Variants in YARS1 observed in about 807,000 individuals in gnomAD.
The protein encoded by YARS1 is tyrosyl-tRNA synthetase 1.
YARS1 carries 36 observed loss-of-function variants against 62.2 expected under a neutral mutation model. The observed-to-expected ratio is 0.58, with a 90% CI of 0.44 to 0.76. YARS1 has a LOEUF of 0.76. YARS1 is among the 30% of genes least tolerant of loss of function. YARS1 has a pLI of 0.00. For missense variants in YARS1, 524 were observed against 639.8 expected, an observed-to-expected ratio of 0.82 and a Z score of 1.95; for synonymous variants, 234 against 244.9, an observed-to-expected ratio of 0.96 and a Z score of 0.42.
rs1473884261 is a variant in YARS1, at chr1:32,811,035, A to G, written c.80T>C (p.Leu27Pro). The change falls in exon 2 of 13, where the codon CTG (leucine) becomes CCG (proline). Residue 27 changes from leucine (L) to proline (P), a missense_variant. Transcript: ENST00000373477. Reference sequence around the variant, plus strand: ...TTCCCGCTCCTTCAGTATCTCCTTCAGCTTCTCTTCCCCCAGAACCTCCTA... The same window carrying G: ...TTCCCGCTCCTTCAGTATCTCCTTCGGCTTCTCTTCCCCCAGAACCTCCTA... ...NLQEVLGEEK[L>P]KEILKERELK... 1.9e-6 allele frequency: 3 copies of G among 1,614,114 alleles called. No individual in the cohort carries two copies. Among genetic ancestry groups the G allele is most frequent in the Middle Eastern group, 1.7e-4 (1 of 6,060 alleles).
chr1:32,778,138 TAGAA>T (rs1292629127), intron 12 of YARS1, among the ~76,000 whole-genome samples: 6 of 152,186 alleles, frequency 3.9e-5, no homozygotes, highest in African/African-American at 9.6e-5. Context: ...CGGTATTAAC[TAGAA>T]AGAGTCACCC....
rs1480630435 is a variant in YARS1 at position 32,791,187 on chromosome 1, C to G, written c.659G>C (p.Gly220Ala). ...CTCTTCTGAAGAGCTCATTTTGCTG[C>G]CTGTTAATCCTGGAACCATAGGATT... The part of the protein sequence containing the change: ...LMNPMVPGLT[G>A]SKMSSSEEES... The change falls in exon 6 of 13, where the codon GGC (glycine) becomes GCC (alanine). Residue 220 changes from glycine (G) to alanine (A), a missense_variant. Coordinates refer to ENST00000373477, the MANE Select transcript of YARS1 (RefSeq NM_003680.4). 6.2e-7 allele frequency: 1 copy of G among 1,614,082 alleles called. No individual in the cohort carries two copies. The highest frequency in any genetic ancestry group is 1.1e-5 in the South Asian group (1 of 91,088).
intron 12 of YARS1, among the ~76,000 whole-genome samples, chr1:32,778,469 C>T (rs1652939862): frequency 6.6e-6 from 1 of 150,728 alleles, no homozygotes; most frequent in Admixed American, 6.6e-5. Context: ...AGTGCAGTGG[C>T]GTGATCTCGG....
intron 6 of YARS1, among the ~76,000 whole-genome samples, chr1:32,788,533 C>T (rs928787208): frequency 5.3e-5 from 8 of 152,104 alleles, no homozygotes; most frequent in Non-Finnish European, 1.0e-4. Flanking sequence ...TGGGTTCAAG[C>T]GGTTCCTCCT....
chr1:32,816,796 G>T (rs1366886003), intron 1 of YARS1: 2 of 285,324 alleles, frequency 7.0e-6, no homozygotes, highest in Non-Finnish European at 1.4e-5. Flanking sequence ...TCCCAGTATA[G>T]CATCTTCCAG....
chr1:32,776,305 G>A lies in YARS1; in HGVS notation c.1477-214C>T, dbSNP rs955048532. 3.2e-4 allele frequency among the ~76,000 whole-genome samples: 49 copies of A among 151,964 alleles called. No homozygotes were observed. The highest frequency in any genetic ancestry group is 1.2e-3 in the African/African-American group (48 of 41,370). ...TGGGACTACAGGCATGCACCACCACGCCCGACTAATTTTGTACTTTTAGTA... is the reference window on the plus strand; with the variant it reads ...TGGGACTACAGGCATGCACCACCACACCCGACTAATTTTGTACTTTTAGTA... On this transcript the variant is annotated intron_variant, in intron 12 of 12. Transcript: ENST00000373477. The surrounding 1 kb of genome is among the most constrained non-coding windows in gnomAD (Gnocchi z 4.0).
At chr1:32,804,042 A>G (rs1638377073) in intron 4 of YARS1, among the ~76,000 whole-genome samples, 1 of 152,156 alleles carries the variant, frequency 6.6e-6, no homozygotes, top group Non-Finnish European at 1.5e-5. Flanking sequence ...TGTTTCAGAG[A>G]GCACGGGGTT....
Position 32,776,137 on chromosome 1 carries a change from G to T in YARS1, c.1477-46C>A. 6.6e-7 allele frequency: 1 copy of T among 1,508,674 alleles called. No individual in the cohort carries two copies. The highest frequency in any genetic ancestry group is 9.2e-7 in the Non-Finnish European group (1 of 1,091,730). The allele number at this position is 1,508,674 out of a possible 1,614,324, so 93.5% of individuals were successfully genotyped here. A position where few individuals can be genotyped will look rare whatever the true frequency, so the allele number is the denominator to read the frequency against. ...AGATTTTAATGATGGTGGTGGGACT[G>T]CAAGAAAACCCCCCCTTTTTTGGAG... On this transcript the variant is annotated intron_variant, in intron 12 of 12. Transcript: ENST00000373477. The surrounding 1 kb of genome is among the most constrained non-coding windows in gnomAD (Gnocchi z 4.0).
chr1:32,792,809 G>A (rs1400092527), intron 5 of YARS1, among the ~76,000 whole-genome samples: 2 of 151,974 alleles, frequency 1.3e-5, no homozygotes, highest in Non-Finnish European at 2.9e-5. Context: ...GAACCCAGGA[G>A]GCGGAGCTTG....
intron 8 of YARS1, 29 bp from the exon 9 acceptor site, chr1:32,782,568 TA>T (rs771795261): frequency 1.2e-6 from 2 of 1,614,046 alleles, no homozygotes; most frequent in South Asian, 2.2e-5. Flanking sequence ...CCTAGTGAGA[TA>T]AAGTCTAGAA....
In YARS1 at chr1:32,781,069, C is replaced by T; in HGVS notation, c.1119G>A (p.Gly373=). 1 of 1,614,202 alleles carries T rather than the reference C, an allele frequency of 6.2e-7. No homozygotes were observed. Among genetic ancestry groups the T allele is most frequent in the Non-Finnish European group, 8.5e-7 (1 of 1,180,018 alleles). ...VIPSRLDIRV[G]KIITVEKHPD... Reference sequence around the variant, plus strand: ...GTACCTTCTCCACAGTGATGATTTTCCCCACACGGATATCCAGCCGGGATG... The same window carrying T: ...GTACCTTCTCCACAGTGATGATTTTTCCCACACGGATATCCAGCCGGGATG... The change falls in exon 10 of 13, where the codon GGG becomes GGA. Residue 373 remains glycine (G), a synonymous_variant. Coordinates refer to ENST00000373477, the MANE Select transcript of YARS1 (RefSeq NM_003680.4).
intron 10 of YARS1, chr1:32,780,713 G>C (rs1037307642): frequency 6.1e-5 from 26 of 429,674 alleles, no homozygotes; most frequent in African/African-American, 4.6e-4. Context: ...CTTTCTGAAG[G>C]GGGCAAAGTG....
chr1:32,776,927 A>G lies in YARS1; in HGVS notation c.1477-836T>C, dbSNP rs571465158. The stretch of plus-strand genomic sequence containing the variant: ...GGTTGTGGCGGGCCGAGATCACGCC[A>G]CCACACTCCAGCCTGGGTGACAGAG... On this transcript the variant is annotated intron_variant, in intron 12 of 12. Transcript: ENST00000373477. This position sits in a 1 kb window ranked among gnomAD's most constrained non-coding sequence, Gnocchi z 4.0. Among the ~76,000 whole-genome samples, 2 of 151,896 alleles carry G rather than the reference A, an allele frequency of 1.3e-5. No individual in the cohort carries two copies. Among genetic ancestry groups the G allele is most frequent in the African/African-American group, 4.8e-5 (2 of 41,422 alleles).
chr1:32,806,388 C>T, intron 4 of YARS1, 94 bp downstream of exon 4: 1 of 1,597,444 alleles, frequency 6.3e-7, no homozygotes, highest in Non-Finnish European at 8.6e-7. Flanking sequence ...AACACAATAT[C>T]TGCGTAGTGC....
At chr1:32,786,579 T>C (rs1653237170) in intron 7 of YARS1, 132 bp from the exon 8 acceptor site, 3 of 925,714 alleles carry the variant, frequency 3.2e-6, no homozygotes, top group African/African-American at 3.3e-5. Context: ...TGTATGGTAT[T>C]ATTCTTAAAT....
chr1:32,802,760 G>A (rs544564778), intron 4 of YARS1, among the ~76,000 whole-genome samples: 2 of 152,238 alleles, frequency 1.3e-5, no homozygotes, highest in South Asian at 2.1e-4. Context: ...GTTAACAGAC[G>A]TGCTACTATC....
At chr1:32,787,192 C>G in intron 6 of YARS1, 117 bp from the exon 7 acceptor site, 1 of 1,247,360 alleles carries the variant, frequency 8.0e-7, no homozygotes, top group Non-Finnish European at 1.1e-6. Flanking sequence ...TGCAGTGGCA[C>G]AATCATGGCT....
At chr1:32,797,716 A>G in intron 5 of YARS1, 47 bp downstream of exon 5, 1 of 1,498,534 alleles carries the variant, frequency 6.7e-7, no homozygotes, top group Non-Finnish European at 9.3e-7. Context: ...ACACAGCTGC[A>G]TACCTCTGAG....
chr1:32,799,694 T>A (rs1334594879), intron 4 of YARS1, among the ~76,000 whole-genome samples: 1 of 152,178 alleles, frequency 6.6e-6, no homozygotes, highest in Non-Finnish European at 1.5e-5. Flanking sequence ...ACCAAGAACT[T>A]GATATATAGC....
Sources: allele counts gnomAD v4.1 joint callset (sites outside exome capture counted in the v4.1 genomes callset), GRCh38; gene constraint gnomAD v4.1.1; non-coding constraint Gnocchi (gnomAD v3.1); transcripts MANE v1.5; gene names NCBI Gene and HGNC (gene_info 2026-07-23, HGNC 2026-07-21).